The following POGLUT1 variants were observed in gnomAD, a reference collection of about 807,000 sequenced individuals.
The protein encoded by POGLUT1 is protein O-glucosyltransferase 1, also known as 9630046K23Rik.
A neutral mutation model predicts 61.3 loss-of-function variants in POGLUT1; 32 were observed. The observed-to-expected ratio is 0.52, with a 90% CI of 0.39 to 0.70. The LOEUF (loss-of-function observed/expected upper bound fraction) is 0.70, where lower values mean the gene tolerates loss of function less well. Ranked by LOEUF, POGLUT1 falls within the 30% of genes least tolerant of loss-of-function variation. The pLI, the probability that POGLUT1 is intolerant of heterozygous loss-of-function variation, is 0.00. For missense variants in POGLUT1, 411 were observed against 469.8 expected (o/e 0.87, Z 1.16); for synonymous variants, 158 against 158.2 (o/e 1.00, Z 0.01).
chr3:119,492,253 A>G, intron 10 of POGLUT1, 29 bp from the exon 11 acceptor site: 1 of 1,560,690 alleles, frequency 6.4e-7, no homozygotes. Context: ...TCTGTGCTTT[A>G]ACATTTTCTT....
chr3:119,479,944 C>T, intron 4 of POGLUT1, 107 bp from the exon 5 acceptor site: 1 of 1,577,426 alleles, frequency 6.3e-7, no homozygotes, highest in Non-Finnish European at 8.6e-7. Flanking sequence ...ATATCTTTGA[C>T]AATGTGACAC....
At chr3:119,476,872 A>G (rs2081543349) in intron 3 of POGLUT1, among the ~76,000 whole-genome samples, 1 of 152,250 alleles carries the variant, frequency 6.6e-6, no homozygotes, top group Non-Finnish European at 1.5e-5. Context: ...AGACTTAATT[A>G]TAATGGAAAT....
rs1333195298 is a variant in POGLUT1 at position 119,477,489 on chromosome 3, C to A, written c.456+41C>A. 3 of 1,584,656 alleles carry A rather than the reference C, an allele frequency of 1.9e-6. No homozygotes were observed. The South Asian group carries it at 3.3e-5, about 18-fold the overall frequency. On this transcript the variant is annotated intron_variant, in intron 4 of 10. Transcript: ENST00000295588. Reference sequence around the variant, plus strand: ...GCCACATGGGTGGATGGAGAGTGGTCCTCTAGGATATGAGCATGAGATCTT... The same window carrying A: ...GCCACATGGGTGGATGGAGAGTGGTACTCTAGGATATGAGCATGAGATCTT...
chr3:119,486,801 A>G (rs1445096105), intron 6 of POGLUT1, 32 bp from the exon 7 acceptor site: 2 of 1,435,748 alleles, frequency 1.4e-6, no homozygotes, highest in Admixed American at 1.7e-5. Flanking sequence ...AATACAGGCC[A>G]CACAGTTTTA....
chr3:119,472,134 G>A (rs1055628989), intron 3 of POGLUT1, among the ~76,000 whole-genome samples: 4 of 152,106 alleles, frequency 2.6e-5, no homozygotes, highest in East Asian at 1.9e-4. Flanking sequence ...AGGGTCATGG[G>A]CTGAGGGTGG....
At chr3:119,488,094 C>G (rs1205998189) in intron 7 of POGLUT1, 1 of 152,098 alleles carries the variant, frequency 6.6e-6, no homozygotes, top group Non-Finnish European at 1.5e-5. Flanking sequence ...TGGGAGAAAA[C>G]TAAGTAAATC....
chr3:119,469,073 C>G lies in POGLUT1; in HGVS notation c.52C>G (p.Leu18Val). 1 of 1,609,088 alleles carries G rather than the reference C, an allele frequency of 6.2e-7. No individual in the cohort carries two copies. Among genetic ancestry groups the G allele is most frequent in the Non-Finnish European group, 8.5e-7 (1 of 1,178,998 alleles). Residue 18 changes from leucine to valine, a missense_variant, in exon 1 of 11, where the codon CTG becomes GTG. Coordinates refer to ENST00000295588, the MANE Select transcript of POGLUT1 (RefSeq NM_152305.3). ...PLRLWLLLFL[L>V]PSAQGRQKES... ...TCGGCTCTGGCTGCTGTTGTTCCTC[C>G]TGCCCTCAGCGCAGGGCCGCCAGAA...
chr3:119,477,117 A>G (rs1222611296), intron 3 of POGLUT1, among the ~76,000 whole-genome samples, 196 bp from the exon 4 acceptor site: 1 of 152,242 alleles, frequency 6.6e-6, no homozygotes. Context: ...CAGCTTAGCT[A>G]TGAGTGAACT....
chr3:119,486,795 C>A, intron 6 of POGLUT1, 38 bp from the exon 7 acceptor site: 1 of 1,377,130 alleles, frequency 7.3e-7, no homozygotes, highest in Non-Finnish European at 1.0e-6. Flanking sequence ...TTTTCTAATA[C>A]AGGCCACACA....
intron 5 of POGLUT1, among the ~76,000 whole-genome samples, chr3:119,482,308 C>A (rs1219044509): frequency 1.3e-5 from 2 of 152,182 alleles, no homozygotes; most frequent in African/African-American, 2.4e-5. Context: ...AGGCAACTTT[C>A]CCCCTAACTT....
Position 119,493,000 on chromosome 3 carries a change from C to T in POGLUT1, c.*562C>T, listed in dbSNP as rs1272480193. On this transcript the variant is annotated 3_prime_UTR_variant, in exon 11 of 11. Coordinates refer to ENST00000295588, the MANE Select transcript of POGLUT1 (RefSeq NM_152305.3). ...TGCCATGCAATGATGTAGGAGTTCT[C>T]TTTTGTAAAACCATAAACTGTGTTA... 3 of 152,694 alleles carry T rather than the reference C, an allele frequency of 2.0e-5. No individual in the cohort carries two copies. The highest frequency in any genetic ancestry group is 3.4e-3 in the Middle Eastern group (1 of 294). The allele number at this position is 152,694 out of a possible 1,614,324, so 9.5% of individuals were successfully genotyped here.
chr3:119,478,073 G>A, intron 4 of POGLUT1: 3 of 321,928 alleles, frequency 9.3e-6, no homozygotes, highest in South Asian at 8.0e-5. Flanking sequence ...TGGGGGCAAG[G>A]AATGTCTTGT....
At chr3:119,475,204 A>G (rs896429241) in intron 3 of POGLUT1, among the ~76,000 whole-genome samples, 3 of 152,180 alleles carry the variant, frequency 2.0e-5, no homozygotes, top group Non-Finnish European at 2.9e-5. Context: ...TCATCAACAA[A>G]ATAAAACATG....
intron 3 of POGLUT1, 24 bp from the exon 4 acceptor site, chr3:119,477,289 A>T (rs754632698): frequency 6.2e-7 from 1 of 1,613,610 alleles, no homozygotes; most frequent in African/African-American, 1.3e-5. Flanking sequence ...ACTCTGCTGA[A>T]TTTATGGTAT....
intron 7 of POGLUT1, chr3:119,488,520 C>T (rs2081699359): frequency 6.5e-6 from 1 of 153,252 alleles, no homozygotes; most frequent in Non-Finnish European, 1.5e-5. Context: ...AAATACTTTG[C>T]ATGCCCAACA....
intron 3 of POGLUT1, among the ~76,000 whole-genome samples, chr3:119,475,187 T>C (rs1305374750): frequency 6.6e-6 from 1 of 152,202 alleles, no homozygotes; most frequent in African/African-American, 2.4e-5. Context: ...TTTACAAGCA[T>C]CTAGACTCAT....
chr3:119,475,981 C>CACACACACACACAG (rs1475354662), intron 3 of POGLUT1, among the ~76,000 whole-genome samples: 16 of 126,040 alleles, frequency 1.3e-4, no homozygotes, highest in African/African-American at 5.3e-4. Context: ...CACACACACA[C>CACACACACACACAG]ACACACACAC....
At chr3:119,484,470 A>G (rs1208246531) in intron 5 of POGLUT1, among the ~76,000 whole-genome samples, 5 of 152,224 alleles carry the variant, frequency 3.3e-5, no homozygotes, top group Non-Finnish European at 7.3e-5. Flanking sequence ...AAGGCTGGTC[A>G]TGGTAATGTG....
At position 119,486,958 on chromosome 3, in the gene POGLUT1, C is replaced by T. The variant is rs766539551; in HGVS notation, c.738+26C>T. 2.7e-5 allele frequency: 38 copies of T among 1,388,492 alleles called. No homozygotes were observed. In the Middle Eastern group the frequency reaches 8.8e-4, roughly 32 times the overall value. 86.0% of individuals were successfully genotyped at this position (1,388,492 alleles called of 1,614,324 possible). On this transcript the variant is annotated intron_variant, in intron 7 of 10. Transcript: ENST00000295588. The stretch of plus-strand genomic sequence containing the variant: ...GTAATCACCAGTCATCTGACTAGAA[C>T]TACAGCAGTGAACATTCTCACTCAA...
Sources: allele counts gnomAD v4.1 joint callset (sites outside exome capture counted in the v4.1 genomes callset), GRCh38; gene constraint gnomAD v4.1.1; transcripts MANE v1.5; gene names NCBI Gene and HGNC (gene_info 2026-07-23, HGNC 2026-07-21).